Variants in SUN5 observed in about 807,000 individuals in gnomAD.
SUN5 encodes SUN domain-containing protein 5.
Under a neutral mutation model 53.7 loss-of-function variants are expected in SUN5, and 44 were observed. That is an observed-to-expected ratio of 0.82 (90% confidence interval 0.64 to 1.05). The LOEUF is 1.05. Ranked by LOEUF, SUN5 falls within the 50% of genes least tolerant of loss-of-function variation. The pLI is 0.00. For synonymous variants in SUN5, 166 were observed against 179.8 expected (o/e 0.92, Z 0.62); for missense variants, 433 against 483.8 (o/e 0.90, Z 0.98).
intron 5 of SUN5, among the ~76,000 whole-genome samples, chr20:32,999,328 C>T (rs1249646265): frequency 6.6e-6 from 1 of 152,300 alleles, no homozygotes; most frequent in East Asian, 1.9e-4. Context: ...GGCACGATGG[C>T]TCACGTCTGT....
intron 5 of SUN5, among the ~76,000 whole-genome samples, chr20:32,999,277 C>A (rs779232933): frequency 6.6e-6 from 1 of 152,020 alleles, no homozygotes; most frequent in Non-Finnish European, 1.5e-5. Context: ...ATTAAGAAAC[C>A]CATTTCTAAT....
intron 10 of SUN5, among the ~76,000 whole-genome samples, 163 bp from the exon 11 acceptor site, chr20:32,986,066 A>G (rs1230133561): frequency 1.3e-5 from 2 of 152,094 alleles, no homozygotes; most frequent in Admixed American, 6.5e-5. Context: ...CTGACTACCC[A>G]TGCAGGGGGT....
intron 12 of SUN5, 22 bp downstream of exon 12, chr20:32,985,077 A>T (rs1989498699): frequency 6.2e-7 from 1 of 1,613,418 alleles, no homozygotes. Flanking sequence ...GGTGCTCAGC[A>T]CAGGCAGCTC....
intron 7 of SUN5, among the ~76,000 whole-genome samples, chr20:32,995,976 A>G (rs1288082189): frequency 1.3e-5 from 2 of 152,092 alleles, no homozygotes; most frequent in Non-Finnish European, 2.9e-5. Flanking sequence ...GTCTGCAATT[A>G]AGGATGCTGC....
intron 12 of SUN5, among the ~76,000 whole-genome samples, chr20:32,984,321 C>T (rs550225757): frequency 7.6e-4 from 116 of 152,272 alleles, no homozygotes; most frequent in African/African-American, 2.6e-3. Context: ...TGGGAACAGG[C>T]GGCCTCTAGA....
At chr20:32,992,689 A>G (rs1989741694) in intron 8 of SUN5, among the ~76,000 whole-genome samples, 1 of 152,228 alleles carries the variant, frequency 6.6e-6, no homozygotes, top group African/African-American at 2.4e-5. Context: ...TGCAATATGT[A>G]CATCCAATAA....
intron 9 of SUN5, among the ~76,000 whole-genome samples, chr20:32,989,002 T>C (rs7272070): frequency 0.021 from 3,228 of 151,612 alleles, 127 homozygotes; most frequent in African/African-American, 0.073. Context: ...CTAGGCTCAC[T>C]GCAAGCTCTG....
intron 7 of SUN5, 77 bp downstream of exon 7, chr20:32,996,247 T>C: frequency 6.8e-7 from 1 of 1,462,022 alleles, no homozygotes. Flanking sequence ...CCTATATTTG[T>C]AGCCAATACA....
intron 5 of SUN5, 60 bp downstream of exon 5, chr20:33,000,014 A>T (rs1489959185): frequency 6.3e-7 from 1 of 1,577,714 alleles, no homozygotes. Context: ...AGTGTCCTAT[A>T]ATCAGTGCCA....
intron 1 of SUN5, among the ~76,000 whole-genome samples, chr20:33,003,843 T>C (rs1990117758): frequency 6.6e-6 from 1 of 152,188 alleles, no homozygotes; most frequent in Admixed American, 6.5e-5. Context: ...TACACCCAGA[T>C]TTGGGTGCCC....
At chr20:32,998,398 G>T (rs1051128112) in intron 5 of SUN5, among the ~76,000 whole-genome samples, 1 of 152,070 alleles carries the variant, frequency 6.6e-6, no homozygotes, top group African/African-American at 2.4e-5. Context: ...AACCCGGGAG[G>T]CAGAGGTTGC....
intron 9 of SUN5, among the ~76,000 whole-genome samples, chr20:32,989,066 C>T (rs1455444720): frequency 1.3e-5 from 2 of 152,078 alleles, no homozygotes; most frequent in East Asian, 1.9e-4. Context: ...GCTGGGACTA[C>T]AGGCGCCCAC....
intron 10 of SUN5, among the ~76,000 whole-genome samples, chr20:32,987,401 T>C (rs1989571936): frequency 6.6e-6 from 1 of 152,020 alleles, no homozygotes; most frequent in Non-Finnish European, 1.5e-5. Flanking sequence ...TCTGTTTCGC[T>C]CCTACCCTAG....
At chr20:32,997,891 G>T (rs191556302) in intron 5 of SUN5, among the ~76,000 whole-genome samples, 121 of 152,260 alleles carry the variant, frequency 7.9e-4, no homozygotes, top group Non-Finnish European at 2.4e-4. Context: ...ATGATCAGAT[G>T]ATATCAAATG....
intron 4 of SUN5, among the ~76,000 whole-genome samples, chr20:33,000,543 C>T (rs1989973686): frequency 6.6e-6 from 1 of 152,162 alleles, no homozygotes; most frequent in Non-Finnish European, 1.5e-5. Context: ...GGGGCAGGCC[C>T]TCCAGGCAGG....
At chr20:32,984,481 C>G (rs1337422834) in intron 12 of SUN5, among the ~76,000 whole-genome samples, 1 of 152,158 alleles carries the variant, frequency 6.6e-6, no homozygotes, top group Non-Finnish European at 1.5e-5. Context: ...GTGGGGCGGG[C>G]TTGGCCTTCA....
At position 32,983,944 on chromosome 20, in the gene SUN5, C is replaced by G. The variant is rs752113082; in HGVS notation, c.990G>C (p.Gln330His). 6 of 1,578,958 alleles carry G rather than the reference C, an allele frequency of 3.8e-6. No homozygotes were observed. Among genetic ancestry groups the G allele is most frequent in the South Asian group, 2.4e-5 (2 of 83,670 alleles). ...NIIQMFPLQN[Q>H]PARAFSAVKV... Reference sequence around the variant, plus strand: ...TGACCGCACTGAAAGCCCGGGCCGGCTGGTTCTGGAAGAGAATCAGTCACA... The same window carrying G: ...TGACCGCACTGAAAGCCCGGGCCGGGTGGTTCTGGAAGAGAATCAGTCACA... The change falls in exon 13 of 13, where the codon CAG becomes CAC. Residue 330 changes from glutamine to histidine, a missense_variant. Gln to His is a conservative substitution (Grantham distance 24). Coordinates refer to ENST00000356173, the MANE Select transcript of SUN5 (RefSeq NM_080675.4).
intron 2 of SUN5, 91 bp from the exon 3 acceptor site, chr20:33,002,752 A>C (rs945713045): frequency 1.3e-6 from 2 of 1,599,234 alleles, no homozygotes; most frequent in Non-Finnish European, 1.7e-6. Flanking sequence ...TGGTGCGAAC[A>C]TCCCTGCCCC....
At chr20:32,992,925 G>A (rs1339204633) in intron 8 of SUN5, among the ~76,000 whole-genome samples, 7 of 152,164 alleles carry the variant, frequency 4.6e-5, no homozygotes, top group Admixed American at 4.6e-4. Context: ...GAGAATGTGG[G>A]ACAACTGGAA....
Sources: gnomAD v4.1 joint callset for allele counts (sites outside exome capture counted in the v4.1 genomes callset) on GRCh38, gnomAD v4.1.1 for gene constraint, MANE v1.5 for transcripts, NCBI Gene and HGNC (gene_info 2026-07-23, HGNC 2026-07-21) for gene names.